The following ENTREP2 variants were observed in gnomAD, a reference collection of about 807,000 sequenced individuals.
The protein encoded by ENTREP2 is protein ENTREP2.
the ENTREP2 span, among the ~76,000 whole-genome samples, chr15:29,132,677 C>A: frequency 6.6e-5 from 10 of 152,370 alleles, no homozygotes; most frequent in African/African-American, 2.2e-4. Flanking sequence ...ATATTCTATT[C>A]TTCAGAGAAA....
chr15:29,123,246 G>A, the ENTREP2 span: 1 of 1,313,524 alleles, frequency 7.6e-7, no homozygotes, highest in Non-Finnish European at 1.0e-6. Context: ...CCGCCAAGCT[G>A]GGCCTGAAGG....
At chr15:29,280,855 G>C in the ENTREP2 span, among the ~76,000 whole-genome samples, 1 of 152,238 alleles carries the variant, frequency 6.6e-6, no homozygotes, top group South Asian at 2.1e-4. Flanking sequence ...GATAAACCGG[G>C]GCATCCTTTT....
chr15:29,321,203 A>G, the ENTREP2 span, among the ~76,000 whole-genome samples: 1 of 150,722 alleles, frequency 6.6e-6, no homozygotes, highest in Non-Finnish European at 1.5e-5. Context: ...GAAACCAGAG[A>G]AAAAAATAAC....
chr15:29,200,943 T>C, the ENTREP2 span, among the ~76,000 whole-genome samples: 1 of 152,254 alleles, frequency 6.6e-6, no homozygotes, highest in African/African-American at 2.4e-5. Flanking sequence ...TCCTCATTGT[T>C]AACGCAGTTT....
chr15:29,392,857 T>A, the ENTREP2 span, among the ~76,000 whole-genome samples: 1 of 152,236 alleles, frequency 6.6e-6, no homozygotes, highest in Admixed American at 6.5e-5. Flanking sequence ...CCCACACATG[T>A]CATTCATGAC....
chr15:29,180,452 G>A, the ENTREP2 span, among the ~76,000 whole-genome samples: 1 of 152,126 alleles, frequency 6.6e-6, no homozygotes, highest in Non-Finnish European at 1.5e-5. Flanking sequence ...ATCACCTGAG[G>A]TCAGGAGTTC....
the ENTREP2 span, among the ~76,000 whole-genome samples, chr15:29,207,444 C>T: frequency 2.3e-4 from 16 of 68,998 alleles, no homozygotes; most frequent in African/African-American, 9.0e-4. Context: ...GTGCCGCTGC[C>T]GGTTGGGGGG....
At chr15:29,486,590 A>G in the ENTREP2 span, among the ~76,000 whole-genome samples, 1 of 152,154 alleles carries the variant, frequency 6.6e-6, no homozygotes, top group Non-Finnish European at 1.5e-5. Context: ...CTCAGGAGGC[A>G]GAGGCAAGAG....
chr15:29,527,213 G>A, the ENTREP2 span, among the ~76,000 whole-genome samples: 1 of 152,122 alleles, frequency 6.6e-6, no homozygotes, highest in African/African-American at 2.4e-5. Context: ...TTGCCTGCCT[G>A]CATCCAATGC....
chr15:29,356,268 G>GTGTGTA, the ENTREP2 span, among the ~76,000 whole-genome samples: 18 of 57,608 alleles, frequency 3.1e-4, no homozygotes, highest in African/African-American at 1.4e-3. Context: ...GTGTGTGTGT[G>GTGTGTA]TATATATATA....
chr15:29,515,655 T>C, the ENTREP2 span, among the ~76,000 whole-genome samples: 2 of 152,238 alleles, frequency 1.3e-5, no homozygotes, highest in African/African-American at 4.8e-5. Context: ...GAGTCCTGTG[T>C]TGGAGTTCTA....
chr15:29,236,656 T>C, the ENTREP2 span, among the ~76,000 whole-genome samples: 1 of 151,952 alleles, frequency 6.6e-6, no homozygotes, highest in Non-Finnish European at 1.5e-5. Flanking sequence ...CTCAAAAATT[T>C]AAAATAAAAA....
chr15:29,189,738 TA>T, the ENTREP2 span, among the ~76,000 whole-genome samples: 6 of 151,480 alleles, frequency 4.0e-5, no homozygotes, highest in Non-Finnish European at 7.4e-5. Context: ...TTTTGTAACT[TA>T]AAAAAAAATA....
At chr15:29,261,663 C>G in the ENTREP2 span, among the ~76,000 whole-genome samples, 3 of 152,086 alleles carry the variant, frequency 2.0e-5, no homozygotes, top group Non-Finnish European at 2.9e-5. Flanking sequence ...TTATCTCACT[C>G]AAAGCAATTT....
the ENTREP2 span, among the ~76,000 whole-genome samples, chr15:29,141,341 G>A: frequency 6.6e-6 from 1 of 152,204 alleles, no homozygotes; most frequent in African/African-American, 2.4e-5. Context: ...CCCCTTCCCT[G>A]AGAAGCACCA....
chr15:29,128,946 A>G, the ENTREP2 span: 2 of 880,536 alleles, frequency 2.3e-6, no homozygotes, highest in Non-Finnish European at 3.5e-6. Flanking sequence ...AGGCGCTTAA[A>G]CTTGTCTCCT....
chr15:29,647,026 G>A, the ENTREP2 span, among the ~76,000 whole-genome samples: 26 of 152,120 alleles, frequency 1.7e-4, no homozygotes, highest in Non-Finnish European at 2.8e-4. Context: ...CCTGGAACAG[G>A]CCCTTTATAT....
the ENTREP2 span, among the ~76,000 whole-genome samples, chr15:29,537,554 C>T: frequency 6.6e-6 from 1 of 152,168 alleles, no homozygotes; most frequent in Non-Finnish European, 1.5e-5. Flanking sequence ...CTCCTCAAAC[C>T]CTTGGCCTGG....
chr15:29,243,760 A>G, the ENTREP2 span, among the ~76,000 whole-genome samples: 4 of 152,254 alleles, frequency 2.6e-5, no homozygotes, highest in Admixed American at 6.5e-5. Context: ...GAAATATACA[A>G]TGTTCGAAAG....
Sources: allele counts gnomAD v4.1 joint callset (sites outside exome capture counted in the v4.1 genomes callset), GRCh38; gene constraint gnomAD v4.1.1; transcripts MANE v1.5; gene names NCBI Gene and HGNC (gene_info 2026-07-23, HGNC 2026-07-21).